Variants in ROBO2 observed in about 807,000 individuals in gnomAD.
The protein encoded by ROBO2 is roundabout homolog 2.
In ROBO2, 53 loss-of-function variants were observed where a neutral mutation model predicts 160.8. The observed-to-expected ratio is 0.33, with a 90% CI of 0.26 to 0.41. ROBO2 has a LOEUF of 0.41. Among genes scored for constraint, ROBO2 ranks in the 10% least tolerant of loss-of-function variants. The pLI is 1.00. For synonymous variants in ROBO2, 664 were observed against 611.7 expected, an observed-to-expected ratio of 1.09 and a Z score of -1.26; for missense variants, 1,577 against 1,722.4, an observed-to-expected ratio of 0.92 and a Z score of 1.49.
intron 22 of ROBO2, among the ~76,000 whole-genome samples, chr3:77,620,464 A>G (rs1417943336): frequency 6.6e-6 from 1 of 152,232 alleles, no homozygotes; most frequent in Non-Finnish European, 1.5e-5. Context: ...TCATAAGCAT[A>G]TTGATGGCAA....
rs113264267 is a variant in ROBO2, at chr3:77,171,357, G to A, written c.388+73017G>A. On this transcript the variant is annotated intron_variant, in intron 2 of 25. Transcript: ENST00000461745. ...ACTGGGGTAACATGCAGCCTGCTTCGTCCTGCTTAGAAAACTGATCTTAGA... is the reference window on the plus strand; with the variant it reads ...ACTGGGGTAACATGCAGCCTGCTTCATCCTGCTTAGAAAACTGATCTTAGA... Among the ~76,000 whole-genome samples, 387 of 152,270 alleles carry A rather than the reference G, an allele frequency of 2.5e-3. 1 individual carries two copies. Among genetic ancestry groups the A allele is most frequent in the African/African-American group, 8.6e-3 (356 of 41,564 alleles).
At chr3:76,195,143 C>A (rs1394018431) in intron 2 of ROBO2, among the ~76,000 whole-genome samples, 2 of 152,052 alleles carry the variant, frequency 1.3e-5, no homozygotes, top group African/African-American at 4.8e-5. Context: ...TCCTTGAAAA[C>A]AAAATTTCAC....
intron 23 of ROBO2, among the ~76,000 whole-genome samples, chr3:77,628,806 G>A (rs1304749894): frequency 1.3e-5 from 2 of 152,126 alleles, no homozygotes; most frequent in East Asian, 3.9e-4. Flanking sequence ...CTACACTAAC[G>A]TGAGACACTT....
At chr3:76,794,851 A>G (rs75881497) in intron 2 of ROBO2, among the ~76,000 whole-genome samples, 2,821 of 151,994 alleles carry the variant, frequency 0.019, 84 homozygotes, top group African/African-American at 0.064. Context: ...CTAAGACACA[A>G]TTTTCTTATT....
intron 2 of ROBO2, among the ~76,000 whole-genome samples, chr3:76,909,507 G>C (rs993343607): frequency 6.6e-6 from 1 of 152,064 alleles, no homozygotes; most frequent in South Asian, 2.1e-4. Flanking sequence ...ACTCACCACT[G>C]TACAACTCAT....
At chr3:76,948,682 C>A (rs1179894409) in intron 2 of ROBO2, among the ~76,000 whole-genome samples, 3 of 142,244 alleles carry the variant, frequency 2.1e-5, no homozygotes, top group East Asian at 4.1e-4. Context: ...GATGTTCCAA[C>A]CCCTCCACTG....
At chr3:76,438,154 T>G (rs1453013476) in intron 2 of ROBO2, among the ~76,000 whole-genome samples, 2 of 152,148 alleles carry the variant, frequency 1.3e-5, no homozygotes, top group African/African-American at 4.8e-5. Flanking sequence ...AGAAAAAATT[T>G]ATATTCTCTG....
chr3:77,016,007 T>G (rs7622798), intron 2 of ROBO2, among the ~76,000 whole-genome samples: 8 of 151,704 alleles, frequency 5.3e-5, no homozygotes, highest in African/African-American at 1.7e-4. Flanking sequence ...GACAGAGCCT[T>G]GCTCTGTCGC....
intron 2 of ROBO2, among the ~76,000 whole-genome samples, chr3:76,345,441 CTTT>C (rs5850253): frequency 1.5e-5 from 2 of 133,258 alleles, no homozygotes; most frequent in Admixed American, 7.5e-5. Flanking sequence ...TCTTTTCTTT[CTTT>C]TTTTTTTTTT....
intron 2 of ROBO2, among the ~76,000 whole-genome samples, chr3:76,924,439 C>T (rs1397192136): frequency 6.6e-6 from 1 of 152,194 alleles, no homozygotes; most frequent in Non-Finnish European, 1.5e-5. Context: ...GAAGCAGGCC[C>T]TCCACAGACA....
intron 2 of ROBO2, among the ~76,000 whole-genome samples, chr3:76,394,357 A>G (rs919677294): frequency 3.9e-5 from 6 of 152,006 alleles, no homozygotes; most frequent in African/African-American, 9.7e-5. Context: ...GCTTGTCTGT[A>G]AAGTATTTTA....
At chr3:76,348,854 G>A (rs558267511) in intron 2 of ROBO2, among the ~76,000 whole-genome samples, 12 of 152,216 alleles carry the variant, frequency 7.9e-5, no homozygotes, top group African/African-American at 2.4e-4. Flanking sequence ...ATTGGACAGT[G>A]TTATTATTGA....
intron 2 of ROBO2, among the ~76,000 whole-genome samples, chr3:77,017,598 T>G (rs1173917875): frequency 1.3e-5 from 2 of 152,212 alleles, no homozygotes; most frequent in Non-Finnish European, 1.5e-5. Context: ...AGGGCTCTTA[T>G]GTAAATAATT....
At chr3:77,589,007 G>A (rs2094120727) in intron 17 of ROBO2, 74 bp downstream of exon 18, 2 of 1,553,736 alleles carry the variant, frequency 1.3e-6, no homozygotes, top group South Asian at 1.1e-5. Context: ...GGAACAGAAA[G>A]GAATAACAAA....
intron 2 of ROBO2, among the ~76,000 whole-genome samples, chr3:76,536,734 G>C (rs935039265): frequency 6.6e-6 from 1 of 152,152 alleles, no homozygotes; most frequent in African/African-American, 2.4e-5. Flanking sequence ...GCTCATCTGG[G>C]GAGAGGGGAG....
At chr3:77,536,324 CCA>C (rs2092098609) in intron 6 of ROBO2, among the ~76,000 whole-genome samples, 1 of 151,890 alleles carries the variant, frequency 6.6e-6, no homozygotes, top group African/African-American at 2.4e-5. Flanking sequence ...GAGCACTCTC[CCA>C]CCCTTCCTTC....
At chr3:77,118,662 A>T (rs2150242894) in intron 2 of ROBO2, among the ~76,000 whole-genome samples, 1 of 152,296 alleles carries the variant, frequency 6.6e-6, no homozygotes, top group Non-Finnish European at 1.5e-5. Flanking sequence ...ACTTGTCAGG[A>T]GCAGGTCAAC....
At chr3:76,247,947 T>C (rs2107539880) in intron 2 of ROBO2, among the ~76,000 whole-genome samples, 1 of 151,762 alleles carries the variant, frequency 6.6e-6, no homozygotes, top group South Asian at 2.1e-4. Flanking sequence ...TGAGATACCA[T>C]CTCACACCAG....
intron 2 of ROBO2, among the ~76,000 whole-genome samples, chr3:76,242,042 A>G (rs1473223972): frequency 3.3e-5 from 5 of 152,238 alleles, no homozygotes; most frequent in Non-Finnish European, 7.3e-5. Context: ...TATTATCTTC[A>G]TAGTCACTGA....
Sources: allele counts gnomAD v4.1 joint callset (sites outside exome capture counted in the v4.1 genomes callset), GRCh38; gene constraint gnomAD v4.1.1; transcripts MANE v1.5; gene names NCBI Gene and HGNC (gene_info 2026-07-23, HGNC 2026-07-21).